ST18: variants seen among roughly 807,000 people sequenced by gnomAD.
The protein encoded by ST18 is suppression of tumorigenicity 18 protein.
In ST18, 50 loss-of-function variants were observed where a neutral mutation model predicts 110.0. That is an observed-to-expected ratio of 0.45 (90% CI 0.36 to 0.58). ST18 has a LOEUF of 0.58. ST18 is among the 20% of genes least tolerant of loss of function. The pLI, the probability that ST18 is intolerant of heterozygous loss-of-function variation, is 0.00. For synonymous variants in ST18, 461 were observed against 452.4 expected (o/e 1.02, Z -0.24); for missense variants, 1,306 against 1,280.1 (o/e 1.02, Z -0.31).
chr8:52,169,880 G>T (rs2064217211), intron 10 of ST18, among the ~76,000 whole-genome samples: 1 of 152,100 alleles, frequency 6.6e-6, no homozygotes, highest in South Asian at 2.1e-4. Flanking sequence ...GAGTCATCCA[G>T]CCCTAGTAGG....
chr8:52,309,291 T>TC (rs2095862548), intron 2 of ST18, among the ~76,000 whole-genome samples: 1 of 152,054 alleles, frequency 6.6e-6, no homozygotes, highest in East Asian at 1.9e-4. Context: ...GTGGCCGAGG[T>TC]GGGTGGGTCA....
At position 52,195,356 on chromosome 8, in the gene ST18, A is replaced by C. The variant is rs534785345; in HGVS notation, c.87-15044T>G. On this transcript the variant is annotated intron_variant, in intron 8 of 25. Transcript: ENST00000689386. ...AAGCCCACACTGTTATTTTAATTTG[A>C]GTAATACTTCAAAATACTTTCTTTT... Among the ~76,000 whole-genome samples, 270 of 152,300 alleles carry C rather than the reference A, an allele frequency of 1.8e-3. 1 individual carries two copies. Among genetic ancestry groups the C allele is most frequent in the Middle Eastern group, 3.4e-3 (1 of 294 alleles).
At chr8:52,156,001 T>G (rs1385651162) in intron 15 of ST18, among the ~76,000 whole-genome samples, 1 of 152,106 alleles carries the variant, frequency 6.6e-6, no homozygotes, top group Non-Finnish European at 1.5e-5. Flanking sequence ...AGGAAAGAAC[T>G]GGATGCAAGC....
At chr8:52,147,779 G>A (rs745704318) in intron 16 of ST18, among the ~76,000 whole-genome samples, 22 of 152,102 alleles carry the variant, frequency 1.4e-4, no homozygotes, top group Admixed American at 7.2e-4. Context: ...TTCCCTTTAG[G>A]TCTGTAGATG....
intron 2 of ST18, among the ~76,000 whole-genome samples, chr8:52,366,482 A>G (rs1442054750): frequency 1.3e-5 from 2 of 152,050 alleles, no homozygotes; most frequent in Non-Finnish European, 2.9e-5. Flanking sequence ...GCCCACTCCA[A>G]TAATGCTGGG....
intron 17 of ST18, among the ~76,000 whole-genome samples, chr8:52,138,494 G>T (rs2053424935): frequency 6.6e-6 from 1 of 152,202 alleles, no homozygotes; most frequent in African/African-American, 2.4e-5. Context: ...TGAGGCAGGA[G>T]GATTGCTTGA....
intron 2 of ST18, chr8:52,405,400 T>C (rs1041153134): frequency 6.6e-6 from 1 of 152,202 alleles, no homozygotes; most frequent in African/African-American, 2.4e-5. Flanking sequence ...AACCACAGCA[T>C]CCTTTTTAAT....
At position 52,136,780 on chromosome 8, in the gene ST18, T is replaced by C. The variant is rs962905734; in HGVS notation, c.2232-122A>G. 135 of 830,554 alleles carry C rather than the reference T, an allele frequency of 1.6e-4. No homozygotes were observed. The Middle Eastern group carries it at 3.9e-3, about 24-fold the overall frequency. 51.4% of individuals were successfully genotyped at this position (830,554 alleles called of 1,614,324 possible). ...GTGACTGGGGATTGGGAAAAAAAAA[T>C]AACTGGCTTTGAATCTGGCTTTGCT... On this transcript the variant is annotated intron_variant, in intron 18 of 25. Coordinates refer to ENST00000689386, the MANE Select transcript of ST18 (RefSeq NM_001352837.2).
intron 4 of ST18, 23 bp from the exon 5 acceptor site, chr8:52,220,871 A>G (rs1166431024): frequency 1.3e-5 from 2 of 152,216 alleles, no homozygotes; most frequent in African/African-American, 4.8e-5. Context: ...GAAATCAAAC[A>G]AGAAAAGCAT....
At chr8:52,130,143 G>GAAAGAAAGAA (rs2048895026) in intron 22 of ST18, among the ~76,000 whole-genome samples, 1 of 149,706 alleles carries the variant, frequency 6.7e-6, no homozygotes, top group East Asian at 2.0e-4. Context: ...AAGAAAGAAA[G>GAAAGAAAGAA]AAAGAAAGAA....
chr8:52,335,854 G>C (rs563285213), intron 2 of ST18, among the ~76,000 whole-genome samples: 6 of 152,108 alleles, frequency 3.9e-5, no homozygotes, highest in African/African-American at 1.4e-4. Context: ...GGTGTCCTCC[G>C]TAAGCACCTC....
At chr8:52,264,545 G>A (rs1458415589) in intron 2 of ST18, among the ~76,000 whole-genome samples, 1 of 152,112 alleles carries the variant, frequency 6.6e-6, no homozygotes, top group Non-Finnish European at 1.5e-5. Context: ...TAAAGTTCCT[G>A]GTTTTAATCA....
intron 8 of ST18, 132 bp downstream of exon 8, chr8:52,211,947 C>T (rs923373726): frequency 2.3e-5 from 20 of 859,720 alleles, no homozygotes; most frequent in South Asian, 1.8e-4. Flanking sequence ...GCATACACAA[C>T]GTCTGGATGG....
At chr8:52,113,411 C>T (rs2041155960) in intron 25 of ST18, 73 bp from the exon 26 acceptor site, 1 of 1,566,124 alleles carries the variant, frequency 6.4e-7, no homozygotes, top group African/African-American at 1.4e-5. Flanking sequence ...CCAGTGACAT[C>T]GAAGATCAGT....
chr8:52,332,689 A>G (rs1160306218), intron 2 of ST18, among the ~76,000 whole-genome samples: 2 of 151,976 alleles, frequency 1.3e-5, no homozygotes, highest in Non-Finnish European at 2.9e-5. Context: ...TGTCTTTACT[A>G]AAAATACAAA....
At chr8:52,394,963 C>T (rs1406156404) in intron 2 of ST18, among the ~76,000 whole-genome samples, 1 of 152,150 alleles carries the variant, frequency 6.6e-6, no homozygotes, top group Non-Finnish European at 1.5e-5. Context: ...ATTCAAGACA[C>T]GAAAGTGGAT....
chr8:52,398,136 A>C (rs1841776176), intron 2 of ST18, among the ~76,000 whole-genome samples: 1 of 152,154 alleles, frequency 6.6e-6, no homozygotes, highest in Non-Finnish European at 1.5e-5. Context: ...TTCAGCATAC[A>C]AATCTTTCAC....
chr8:52,223,480 C>T (rs949962096), intron 3 of ST18, among the ~76,000 whole-genome samples: 1 of 151,780 alleles, frequency 6.6e-6, no homozygotes, highest in Non-Finnish European at 1.5e-5. Context: ...CCTGTCTCTA[C>T]TAAAAATACA....
chr8:52,131,225 G>C (rs2049445127), intron 22 of ST18, among the ~76,000 whole-genome samples: 1 of 152,170 alleles, frequency 6.6e-6, no homozygotes, highest in African/African-American at 2.4e-5. Context: ...AGCTTCATTG[G>C]ATTTTAAACC....
Sources: allele counts gnomAD v4.1 joint callset (sites outside exome capture counted in the v4.1 genomes callset), GRCh38; gene constraint gnomAD v4.1.1; transcripts MANE v1.5; gene names NCBI Gene and HGNC (gene_info 2026-07-23, HGNC 2026-07-21).